Variants in MDGA2 observed in about 807,000 individuals in gnomAD.
The protein encoded by MDGA2 is MAM domain containing glycosylphosphatidylinositol anchor 2.
Under a neutral mutation model 117.8 loss-of-function variants are expected in MDGA2, and 40 were observed. That is an observed-to-expected ratio of 0.34 (90% CI 0.26 to 0.44). The LOEUF is 0.44. MDGA2 is among the 20% of genes least tolerant of loss of function. The pLI is 1.00. For synonymous variants in MDGA2, 452 were observed against 439.0 expected (o/e 1.03, Z -0.37); for missense variants, 1,123 against 1,250.6 (o/e 0.90, Z 1.54).
At chr14:47,472,787 C>T (rs894549880) in intron 1 of MDGA2, among the ~76,000 whole-genome samples, 5 of 152,128 alleles carry the variant, frequency 3.3e-5, no homozygotes, top group Non-Finnish European at 5.9e-5. Context: ...AAGCCCGAGC[C>T]TCCAATTCCT....
intron 7 of MDGA2, among the ~76,000 whole-genome samples, chr14:47,054,323 TTATTA>T (rs1889585423): frequency 2.6e-5 from 4 of 151,588 alleles, no homozygotes; most frequent in East Asian, 2.0e-4. Flanking sequence ...CTCAAAGCTC[TTATTA>T]TTATTATTAT....
At chr14:47,489,910 A>C (rs946171155) in intron 1 of MDGA2, among the ~76,000 whole-genome samples, 17 of 152,078 alleles carry the variant, frequency 1.1e-4, no homozygotes, top group African/African-American at 4.1e-4. Flanking sequence ...TTCTGAAAAC[A>C]AGGTTACTCT....
Position 46,957,339 on chromosome 14 carries a change from C to T in MDGA2, c.2089+35G>A, listed in dbSNP as rs746784120. On this transcript the variant is annotated intron_variant, in intron 9 of 16. Coordinates refer to ENST00000399232, the MANE Select transcript of MDGA2 (RefSeq NM_001113498.3). ...TCTAAGATCTCTTGGTCTAATAAAACAAAATGTATAAAAAGAAAATATCTG... is the reference window on the plus strand; with the variant it reads ...TCTAAGATCTCTTGGTCTAATAAAATAAAATGTATAAAAAGAAAATATCTG... The T allele has an allele frequency of 3.1e-6, 5 of 1,592,638 alleles. No individual in the cohort carries two copies. In the African/African-American group the frequency reaches 4.1e-5, roughly 13 times the overall value.
At chr14:47,093,041 C>T (rs984627551) in intron 6 of MDGA2, among the ~76,000 whole-genome samples, 2 of 151,998 alleles carry the variant, frequency 1.3e-5, no homozygotes, top group Non-Finnish European at 2.9e-5. Context: ...ATAGCTCACT[C>T]TGAGCTACGG....
intron 3 of MDGA2, among the ~76,000 whole-genome samples, chr14:47,187,925 G>A (rs1431863776): frequency 1.3e-5 from 2 of 151,994 alleles, no homozygotes; most frequent in African/African-American, 4.8e-5. Flanking sequence ...GGTTGTGTGT[G>A]TGTGTGTGTG....
chr14:47,203,984 A>C (rs2139453278), intron 3 of MDGA2, among the ~76,000 whole-genome samples: 1 of 152,126 alleles, frequency 6.6e-6, no homozygotes, highest in South Asian at 2.1e-4. Context: ...CAATAAGAAA[A>C]ATTTGAGTTG....
intron 8 of MDGA2, among the ~76,000 whole-genome samples, chr14:46,982,424 A>G (rs1886707979): frequency 6.6e-6 from 1 of 152,014 alleles, no homozygotes; most frequent in Non-Finnish European, 1.5e-5. Context: ...TAAAAAACAA[A>G]TGCTGGCTGG....
At chr14:47,138,969 C>A (rs557760343) in intron 4 of MDGA2, among the ~76,000 whole-genome samples, 1 of 151,770 alleles carries the variant, frequency 6.6e-6, no homozygotes, top group Non-Finnish European at 1.5e-5. Context: ...AAGGTATAAA[C>A]AAGATTTTTG....
At chr14:46,871,111 T>C (rs1320661437) in intron 14 of MDGA2, 1 of 151,440 alleles carries the variant, frequency 6.6e-6, no homozygotes, top group Non-Finnish European at 1.5e-5. Flanking sequence ...AGTAATAATA[T>C]AGTAATCCCA....
At chr14:47,369,264 CATTT>C (rs10561459) in intron 1 of MDGA2, among the ~76,000 whole-genome samples, 108,818 of 151,164 alleles carry the variant, frequency 0.72, 39,410 homozygotes, top group Middle Eastern at 0.81. Context: ...ATGATGATAT[CATTT>C]ATTTAATTCC....
intron 1 of MDGA2, among the ~76,000 whole-genome samples, chr14:47,455,720 C>T (rs1048534421): frequency 1.4e-4 from 21 of 151,282 alleles, no homozygotes; most frequent in African/African-American, 2.9e-4. Context: ...TGAGAGGCTG[C>T]GTGCAATGGC....
chr14:47,052,548 T>A (rs1889495226), intron 7 of MDGA2, among the ~76,000 whole-genome samples: 1 of 151,906 alleles, frequency 6.6e-6, no homozygotes, highest in Admixed American at 6.6e-5. Flanking sequence ...TAGAAAAACA[T>A]GTTTAATGTT....
chr14:47,610,405 C>T (rs766085710), intron 1 of MDGA2, among the ~76,000 whole-genome samples: 4 of 151,962 alleles, frequency 2.6e-5, no homozygotes, highest in Non-Finnish European at 4.4e-5. Flanking sequence ...GATCGTTTAT[C>T]GTGAAAACCC....
intron 7 of MDGA2, among the ~76,000 whole-genome samples, chr14:47,053,729 A>G (rs1320478540): frequency 1.3e-5 from 2 of 150,216 alleles, no homozygotes; most frequent in African/African-American, 2.4e-5. Flanking sequence ...TCCAAATATA[A>G]TCTTACACAG....
At position 46,991,766 on chromosome 14, in the gene MDGA2, T is replaced by A. The variant is rs369243881; in HGVS notation, c.1820-34123A>T. Among the ~76,000 whole-genome samples, 130 of 152,250 alleles carry A rather than the reference T, an allele frequency of 8.5e-4. 1 individual carries two copies. The South Asian group carries it at 0.027, about 31-fold the overall frequency. ...AGAGAAACAAAATAGTTAATACAACTGTGTTTTATAATAAACTCCTAAAAT... is the reference window on the plus strand; with the variant it reads ...AGAGAAACAAAATAGTTAATACAACAGTGTTTTATAATAAACTCCTAAAAT... On this transcript the variant is annotated intron_variant, in intron 8 of 16. Transcript: ENST00000399232.
At position 47,596,497 on chromosome 14, in the gene MDGA2, GT is replaced by G. The variant is rs1387704162; in HGVS notation, c.280+78019del. 2.6e-5 allele frequency among the ~76,000 whole-genome samples: 4 copies of G among 151,926 alleles called. No individual in the cohort carries two copies. In the East Asian group the frequency reaches 7.7e-4, roughly 29 times the overall value. ...ACAGTAAAAGTATCATGCACGTGAC[GT>G]TTGTTTTTGACCATTATCCAGCTTC... On this transcript the variant is annotated intron_variant, in intron 1 of 16. Coordinates refer to ENST00000399232, the MANE Select transcript of MDGA2 (RefSeq NM_001113498.3).
intron 2 of MDGA2, among the ~76,000 whole-genome samples, chr14:47,257,181 T>C (rs1456323730): frequency 2.0e-5 from 3 of 152,136 alleles, no homozygotes; most frequent in Non-Finnish European, 4.4e-5. Flanking sequence ...CAATGTCATT[T>C]CAATAGACAC....
At chr14:47,540,540 G>GTGTGTGTGTGTGTGTGTGTGTATATA in intron 1 of MDGA2, among the ~76,000 whole-genome samples, 2 of 79,188 alleles carry the variant, frequency 2.5e-5, no homozygotes, top group Admixed American at 1.5e-4. Flanking sequence ...GTGTGTGTGT[G>GTGTGTGTGTGTGTGTGTGTGTATATA]TATATATATA....
At chr14:47,187,487 A>G (rs1669974522) in intron 3 of MDGA2, among the ~76,000 whole-genome samples, 1 of 152,066 alleles carries the variant, frequency 6.6e-6, no homozygotes, top group Non-Finnish European at 1.5e-5. Context: ...ATTTTTAAGT[A>G]TTAAGTATTA....
Sources: gnomAD v4.1 joint callset for allele counts (sites outside exome capture counted in the v4.1 genomes callset) on GRCh38, gnomAD v4.1.1 for gene constraint, MANE v1.5 for transcripts, NCBI Gene and HGNC (gene_info 2026-07-23, HGNC 2026-07-21) for gene names.